RPS6KC1: variants seen among roughly 807,000 people sequenced by gnomAD.
RPS6KC1 encodes ribosomal protein S6 kinase C1, also known as inactive ribosomal protein S6 kinase delta-1.
Under a neutral mutation model 103.8 loss-of-function variants are expected in RPS6KC1, and 54 were observed. The ratio of observed to expected loss-of-function variants is 0.52; its 90% CI spans 0.42 to 0.65. The LOEUF is 0.65. Among genes scored for constraint, RPS6KC1 ranks in the 30% least tolerant of loss-of-function variants. The pLI is 0.00. For synonymous variants in RPS6KC1, 439 were observed against 438.7 expected (o/e 1.00, Z -0.01); for missense variants, 1,151 against 1,253.8 (o/e 0.92, Z 1.24).
In RPS6KC1 at chr1:213,204,389, T is replaced by C. The variant is rs115025611; in HGVS notation, c.1045-26108T>C. On this transcript the variant is annotated intron_variant, in intron 8 of 14. Transcript: ENST00000366960. ...GTTTGCCTTTGATGCTATTAATTAG[T>C]TTCTTTTTAATAACCAGAAAGATAA... 3.2e-3 allele frequency among the ~76,000 whole-genome samples: 480 copies of C among 152,340 alleles called. 4 individuals carry two copies. The highest frequency in any genetic ancestry group is 0.011 in the African/African-American group (457 of 41,574).
chr1:213,250,146 A>C (rs751239690), intron 12 of RPS6KC1, among the ~76,000 whole-genome samples: 1 of 152,200 alleles, frequency 6.6e-6, no homozygotes, highest in Non-Finnish European at 1.5e-5. Context: ...AGGTGGTGGC[A>C]GGAAGCGAGG....
At chr1:213,319,134 C>G in the RPS6KC1 span, among the ~76,000 whole-genome samples, 1 of 151,946 alleles carries the variant, frequency 6.6e-6, no homozygotes, top group Non-Finnish European at 1.5e-5. Flanking sequence ...GGTGAAACCC[C>G]ATCTCTACTA....
At chr1:213,194,466 A>G (rs1038623095) in intron 8 of RPS6KC1, among the ~76,000 whole-genome samples, 12 of 151,896 alleles carry the variant, frequency 7.9e-5, no homozygotes, top group Non-Finnish European at 1.5e-4. Context: ...TTGTGTATCT[A>G]TGGTAAGTTT....
chr1:213,665,204 A>ACAG, the RPS6KC1 span, among the ~76,000 whole-genome samples: 2 of 152,110 alleles, frequency 1.3e-5, no homozygotes, highest in East Asian at 3.9e-4. Context: ...AGCAAAAACA[A>ACAG]CAACAACAAC....
chr1:213,163,455 C>T (rs1368353543), intron 6 of RPS6KC1, among the ~76,000 whole-genome samples: 4 of 152,194 alleles, frequency 2.6e-5, no homozygotes, highest in Non-Finnish European at 4.4e-5. Context: ...CTCTTAATAG[C>T]CCCTTAAAAT....
chr1:213,066,915 G>A (rs990788867), intron 1 of RPS6KC1, among the ~76,000 whole-genome samples: 8 of 152,152 alleles, frequency 5.3e-5, no homozygotes, highest in Non-Finnish European at 5.9e-5. Context: ...GTTGGGAACT[G>A]CTTAGGGCCA....
intron 6 of RPS6KC1, among the ~76,000 whole-genome samples, chr1:213,130,795 G>C (rs1304248954): frequency 6.6e-6 from 1 of 152,002 alleles, no homozygotes. Context: ...CATTTCTCTT[G>C]TTTTTAGGTT....
the RPS6KC1 span, among the ~76,000 whole-genome samples, chr1:213,331,815 A>G: frequency 6.6e-6 from 1 of 152,024 alleles, no homozygotes; most frequent in Non-Finnish European, 1.5e-5. Context: ...CTCCTGAGGA[A>G]CTTGTCCCCG....
the RPS6KC1 span, among the ~76,000 whole-genome samples, chr1:213,755,041 C>T: frequency 6.6e-6 from 1 of 152,076 alleles, no homozygotes; most frequent in African/African-American, 2.4e-5. Flanking sequence ...TTCTAGGATT[C>T]GTTCCTTACA....
chr1:213,669,377 C>T, the RPS6KC1 span, among the ~76,000 whole-genome samples: 52,934 of 151,802 alleles, frequency 0.35, 9,638 homozygotes, highest in East Asian at 0.57. Context: ...GGCCAGTGGG[C>T]AGAGTGGTCG....
At chr1:213,120,690 T>C (rs1047520238) in intron 5 of RPS6KC1, among the ~76,000 whole-genome samples, 5 of 152,150 alleles carry the variant, frequency 3.3e-5, no homozygotes, top group Non-Finnish European at 5.9e-5. Flanking sequence ...TTTTAAGCCA[T>C]GTTTTAAAGG....
chr1:213,453,356 G>A, the RPS6KC1 span, among the ~76,000 whole-genome samples: 2 of 152,112 alleles, frequency 1.3e-5, no homozygotes, highest in Non-Finnish European at 2.9e-5. Flanking sequence ...GAGTGTGGTA[G>A]GAGTTGTGGT....
intron 5 of RPS6KC1, among the ~76,000 whole-genome samples, chr1:213,121,455 C>G (rs1334025587): frequency 1.3e-5 from 2 of 152,092 alleles, no homozygotes; most frequent in African/African-American, 2.4e-5. Flanking sequence ...AGAAGTTAAA[C>G]TATATTTTTT....
At chr1:213,590,703 C>T in the RPS6KC1 span, among the ~76,000 whole-genome samples, 20 of 152,264 alleles carry the variant, frequency 1.3e-4, no homozygotes, top group African/African-American at 1.9e-4. Flanking sequence ...TCACTCTCAT[C>T]AGCGGAGGCC....
the RPS6KC1 span, among the ~76,000 whole-genome samples, chr1:213,314,149 G>A: frequency 6.6e-6 from 1 of 152,092 alleles, no homozygotes; most frequent in Non-Finnish European, 1.5e-5. Context: ...TCCCACCTCT[G>A]CCTCTGCTGT....
chr1:213,826,606 A>T, the RPS6KC1 span, among the ~76,000 whole-genome samples: 1 of 152,224 alleles, frequency 6.6e-6, no homozygotes, highest in Non-Finnish European at 1.5e-5. Flanking sequence ...AGATGGCAAA[A>T]GCAGGGCATT....
intron 10 of RPS6KC1, among the ~76,000 whole-genome samples, chr1:213,235,949 G>A (rs1321002829): frequency 6.6e-6 from 1 of 152,192 alleles, no homozygotes; most frequent in Admixed American, 6.5e-5. Context: ...AGGTATTAGT[G>A]TGTAGGTCAG....
intron 8 of RPS6KC1, among the ~76,000 whole-genome samples, chr1:213,197,643 G>T (rs1004300435): frequency 2.0e-5 from 3 of 152,076 alleles, no homozygotes; most frequent in Non-Finnish European, 4.4e-5. Context: ...CTGCTGGTTT[G>T]TGTACATTGA....
chr1:213,604,305 A>G, the RPS6KC1 span, among the ~76,000 whole-genome samples: 3 of 152,254 alleles, frequency 2.0e-5, no homozygotes, highest in East Asian at 5.8e-4. Context: ...AAACTTTCCC[A>G]TACTATCACA....
Sources: allele counts gnomAD v4.1 joint callset (sites outside exome capture counted in the v4.1 genomes callset), GRCh38; gene constraint gnomAD v4.1.1; transcripts MANE v1.5; gene names NCBI Gene and HGNC (gene_info 2026-07-23, HGNC 2026-07-21).